Variants in DNA2 observed in about 807,000 individuals in gnomAD.
The protein encoded by DNA2 is DNA replication ATP-dependent helicase/nuclease DNA2.
In DNA2, 101 loss-of-function variants were observed where a neutral mutation model predicts 119.1. The ratio of observed to expected loss-of-function variants is 0.85; its 90% CI spans 0.72 to 1.00. The LOEUF (loss-of-function observed/expected upper bound fraction) is 1.00, where lower values mean the gene tolerates loss of function less well. Ranked by LOEUF, DNA2 falls within the 50% of genes least tolerant of loss-of-function variation. The probability of loss-of-function intolerance (pLI) is 0.00; values close to 1 mark genes in which losing one functional copy is unlikely to be tolerated. For synonymous variants in DNA2, 366 were observed against 424.4 expected (o/e 0.86, Z 1.69); for missense variants, 1,121 against 1,255.5 (o/e 0.89, Z 1.62).
Position 68,430,436 on chromosome 10 carries a change from T to C in DNA2, c.2208A>G (p.Gln736=), listed in dbSNP as rs1488722139. ...ATTATTATACAATAATTGTGCTTAC[T>C]TGACTATTGTAGAGTTCTTCTAGAA... The part of the protein sequence containing the change: ...LALLEELYNS[Q]LIVATTCMGI... Residue 736 remains glutamine (Q), a splice_region_variant and synonymous_variant, in exon 14 of 21, where the codon CAA becomes CAG. Transcript: ENST00000358410. 8 of 1,578,834 alleles carry C rather than the reference T, an allele frequency of 5.1e-6. No homozygotes were observed. Among genetic ancestry groups the C allele is most frequent in the Middle Eastern group, 1.7e-4 (1 of 6,026 alleles).
At chr10:68,455,446 A>C (rs1564893368) in intron 5 of DNA2, among the ~76,000 whole-genome samples, 1 of 152,198 alleles carries the variant, frequency 6.6e-6, no homozygotes. Flanking sequence ...AGAAAAACTA[A>C]ACAATCTATT....
chr10:68,448,952 TG>T (rs2052077758), intron 6 of DNA2, among the ~76,000 whole-genome samples: 1 of 128,094 alleles, frequency 7.8e-6, no homozygotes, highest in Non-Finnish European at 1.6e-5. Context: ...TGTGTGTGTG[TG>T]TGTGTGTGTG....
At position 68,437,186 on chromosome 10, in the gene DNA2, C is replaced by T. The variant is rs984443154; in HGVS notation, c.1471G>A (p.Val491Ile). The T allele has an allele frequency of 6.2e-7, 1 of 1,613,720 alleles. No homozygotes were observed. Among genetic ancestry groups the T allele is most frequent in the Admixed American group, 1.7e-5 (1 of 60,006 alleles). The change falls in exon 10 of 21, where the codon GTT becomes ATT. Residue 491 changes from valine (V) to isoleucine (I), a missense_variant. Coordinates refer to ENST00000358410, the MANE Select transcript of DNA2 (RefSeq NM_001080449.3). ...TTATGTAAATATTGCCCATCACAAACTATCTTTACATGTTCCATTCTAATC... is the reference window on the plus strand; with the variant it reads ...TTATGTAAATATTGCCCATCACAAATTATCTTTACATGTTCCATTCTAATC... ...NLIRMEHVKI[V>I]CDGQYLHNFQ...
chr10:68,461,828 CAAAAAAAAAAA>C (rs554059657), intron 4 of DNA2, among the ~76,000 whole-genome samples: 3,398 of 70,328 alleles, frequency 0.048, 145 homozygotes, highest in African/African-American at 0.13. Flanking sequence ...AACTCCGTCT[CAAAAAAAAAAA>C]AAAAAAAAAA....
intron 4 of DNA2, among the ~76,000 whole-genome samples, chr10:68,460,414 C>T (rs1007842789): frequency 2.7e-5 from 4 of 149,284 alleles, no homozygotes; most frequent in South Asian, 2.2e-4. Flanking sequence ...TGACCTAATA[C>T]GGTAATTTTT....
At chr10:68,431,740 T>A in intron 13 of DNA2, 122 bp downstream of exon 13, 2 of 638,250 alleles carry the variant, frequency 3.1e-6, no homozygotes, top group Non-Finnish European at 5.5e-6. Flanking sequence ...TCTAAAAAGT[T>A]CATTTGAAAC....
At chr10:68,440,532 C>T (rs901975481) in intron 9 of DNA2, among the ~76,000 whole-genome samples, 2 of 151,778 alleles carry the variant, frequency 1.3e-5, no homozygotes, top group Non-Finnish European at 2.9e-5. Context: ...ATCCTGACCT[C>T]GTGATCCACC....
chr10:68,461,828 C>CA (rs554059657), intron 4 of DNA2, among the ~76,000 whole-genome samples: 915 of 69,752 alleles, frequency 0.013, 7 homozygotes, highest in East Asian at 0.031. Flanking sequence ...AACTCCGTCT[C>CA]AAAAAAAAAA....
intron 10 of DNA2, among the ~76,000 whole-genome samples, chr10:68,435,200 T>G (rs2051871993): frequency 6.6e-6 from 1 of 151,904 alleles, no homozygotes; most frequent in Non-Finnish European, 1.5e-5. Flanking sequence ...ACTAAAGACA[T>G]GCACCACCTC....
intron 14 of DNA2, among the ~76,000 whole-genome samples, chr10:68,428,175 G>A (rs7096630): frequency 0.25 from 37,662 of 150,744 alleles, 6,073 homozygotes; most frequent in African/African-American, 0.46. Context: ...AAAATACAAA[G>A]AATTAGCTGG....
intron 20 of DNA2, among the ~76,000 whole-genome samples, chr10:68,415,504 A>G (rs1590042968): frequency 6.6e-6 from 1 of 152,002 alleles, no homozygotes. Flanking sequence ...TCGAACTCCC[A>G]ACCTCAGGTA....
rs45479700 is a variant in DNA2 at position 68,437,482 on chromosome 10, A to T, written c.1416-241T>A. Among the ~76,000 whole-genome samples the T allele has an allele frequency of 0.37, 56,618 of 151,106 alleles. 11,713 individuals are homozygous for T. Among genetic ancestry groups the T allele is most frequent in the Middle Eastern group, 0.48 (140 of 290 alleles). ...GAAAACCCTATCTCTACTAAAAAAAAAAAAATAAAAATAAAAAATTAGCCA... is the reference window on the plus strand; with the variant it reads ...GAAAACCCTATCTCTACTAAAAAAATAAAAATAAAAATAAAAAATTAGCCA... On this transcript the variant is annotated intron_variant, in intron 9 of 20. Coordinates refer to ENST00000358410, the MANE Select transcript of DNA2 (RefSeq NM_001080449.3).
In DNA2 at chr10:68,465,178, C is replaced by T. The variant is rs779479616; in HGVS notation, c.587+489G>A. ...GGACTACAGGCGCCTGCCACCATGC[C>T]CTGCTAATTTTTTGTATTTTTAGTA... On this transcript the variant is annotated intron_variant, in intron 4 of 20. Transcript: ENST00000358410. 4.7e-4 allele frequency among the ~76,000 whole-genome samples: 72 copies of T among 151,960 alleles called. No homozygotes were observed. In the South Asian group the frequency reaches 5.2e-3, roughly 11 times the overall value.
chr10:68,452,238 A>G (rs2052128567), intron 5 of DNA2, among the ~76,000 whole-genome samples: 1 of 151,808 alleles, frequency 6.6e-6, no homozygotes, highest in African/African-American at 2.4e-5. Flanking sequence ...GTGCACCACC[A>G]CACCCCACTA....
At chr10:68,455,359 A>G (rs2052169522) in intron 5 of DNA2, among the ~76,000 whole-genome samples, 1 of 152,240 alleles carries the variant, frequency 6.6e-6, no homozygotes, top group African/African-American at 2.4e-5. Context: ...GTGAAGCCCA[A>G]TATCCAACCC....
Position 68,437,145 on chromosome 10 carries a change from A to G in DNA2, c.1512T>C (p.His504=). ...TTAGATTTGTGACAGGTATGGCACC[A>G]TGTTTACATTGGAAATTATGTAAAT... is the stretch of plus-strand genomic sequence containing the variant. ...GQYLHNFQCK[H]GAIPVTNLMA... is the part of the protein sequence containing the mutation. Residue 504 remains histidine (H), a synonymous_variant, in exon 10 of 21, where the codon CAT becomes CAC. Coordinates refer to ENST00000358410, the MANE Select transcript of DNA2 (RefSeq NM_001080449.3). 1 of 1,613,956 alleles carries G rather than the reference A, an allele frequency of 6.2e-7. No individual in the cohort carries two copies. Among genetic ancestry groups the G allele is most frequent in the Non-Finnish European group, 8.5e-7 (1 of 1,179,878 alleles).
chr10:68,420,277 GCCTGTAATC>G (rs1193115524), intron 17 of DNA2, among the ~76,000 whole-genome samples: 7 of 152,164 alleles, frequency 4.6e-5, no homozygotes, highest in Non-Finnish European at 1.5e-5. Flanking sequence ...GGTGGCTCAC[GCCTGTAATC>G]CCAGCACTTT....
intron 17 of DNA2, among the ~76,000 whole-genome samples, chr10:68,421,749 G>C (rs1163791972): frequency 1.3e-5 from 2 of 151,840 alleles, no homozygotes; most frequent in African/African-American, 4.8e-5. Context: ...CTCAAAAAAA[G>C]AAAAAGAAAG....
chr10:68,419,499 T>C (rs1259427303), intron 18 of DNA2: 5 of 512,440 alleles, frequency 9.8e-6, no homozygotes, highest in African/African-American at 3.9e-5. Flanking sequence ...TACAAAGAAA[T>C]ACATTTCACC....
Sources: allele counts gnomAD v4.1 joint callset (sites outside exome capture counted in the v4.1 genomes callset), GRCh38; gene constraint gnomAD v4.1.1; transcripts MANE v1.5; gene names NCBI Gene and HGNC (gene_info 2026-07-23, HGNC 2026-07-21).